The following KLRD1 variants were observed in gnomAD, a reference collection of about 807,000 sequenced individuals.
The protein encoded by KLRD1 is natural killer cells antigen CD94.
In KLRD1, 21 loss-of-function variants were observed where a neutral mutation model predicts 22.6. The ratio of observed to expected loss-of-function variants is 0.93; its 90% CI spans 0.66 to 1.34. The LOEUF (loss-of-function observed/expected upper bound fraction) is 1.34. Ranked by LOEUF, KLRD1 falls within the 40% of genes most tolerant of loss-of-function variation. The probability of loss-of-function intolerance (pLI) is 0.00; values close to 1 mark genes in which losing one functional copy is unlikely to be tolerated. For missense variants in KLRD1, 183 were observed against 208.6 expected, an observed-to-expected ratio of 0.88 and a Z score of 0.76; for synonymous variants, 59 against 71.1, an observed-to-expected ratio of 0.83 and a Z score of 0.85.
intron 1 of KLRD1, among the ~76,000 whole-genome samples, chr12:10,242,394 C>T (rs1210085724): frequency 6.6e-6 from 1 of 152,102 alleles, no homozygotes; most frequent in Non-Finnish European, 1.5e-5. Context: ...TGGACATAAA[C>T]AGGAAAACAT....
chr12:10,277,623 T>C (rs1044886950), intron 1 of KLRD1, among the ~76,000 whole-genome samples: 8 of 152,192 alleles, frequency 5.3e-5, no homozygotes, highest in African/African-American at 1.7e-4. Flanking sequence ...ATTTCTTTTC[T>C]AAAATTGTAT....
chr12:10,320,203 G>A lies in KLRD1; in HGVS notation c.*5410G>A, dbSNP rs1001082250. On this transcript the variant is annotated 3_prime_UTR_variant, in exon 6 of 6. Coordinates refer to ENST00000336164, the MANE Select transcript of KLRD1 (RefSeq NM_002262.5). ...TTCTTTTAAGTCACTAAATATTAAC[G>A]TGTCACATAGCAATAATCAATACAT... 2 of 151,134 alleles carry A rather than the reference G, an allele frequency of 1.3e-5. No individual in the cohort carries two copies. Among genetic ancestry groups the A allele is most frequent in the East Asian group, 1.9e-4 (1 of 5,136 alleles). The allele number at this position is 151,134 out of a possible 1,614,324, so 9.4% of individuals were successfully genotyped here.
chr12:10,284,867 G>A (rs1263619790), intron 1 of KLRD1, among the ~76,000 whole-genome samples: 1 of 152,098 alleles, frequency 6.6e-6, no homozygotes, highest in Non-Finnish European at 1.5e-5. Flanking sequence ...TGTAATCCCA[G>A]CTACTCAGGA....
Position 10,325,295 on chromosome 12 carries a change from C to T in KLRD1, c.*10502C>T, listed in dbSNP as rs1202374158. The stretch of plus-strand genomic sequence containing the variant: ...ATAGTTTTTATTTCCCAGTTATAAA[C>T]CTCAGTTGTTCATGTTATCTTTTTT... On this transcript the variant is annotated 3_prime_UTR_variant, in exon 6 of 6. Coordinates refer to ENST00000336164, the MANE Select transcript of KLRD1 (RefSeq NM_002262.5). 1 of 151,992 alleles carries T rather than the reference C, an allele frequency of 6.6e-6. No homozygotes were observed. The highest frequency in any genetic ancestry group is 1.5e-5 in the Non-Finnish European group (1 of 67,958). 9.4% of individuals were successfully genotyped at this position (151,992 alleles called of 1,614,324 possible).
At chr12:10,271,468 A>G (rs550267596) in intron 1 of KLRD1, among the ~76,000 whole-genome samples, 1 of 152,100 alleles carries the variant, frequency 6.6e-6, no homozygotes, top group African/African-American at 2.4e-5. Context: ...ACAAGAAATC[A>G]ATCCTGATTC....
At chr12:10,261,956 G>A (rs926652547) in intron 1 of KLRD1, among the ~76,000 whole-genome samples, 1 of 151,934 alleles carries the variant, frequency 6.6e-6, no homozygotes, top group African/African-American at 2.4e-5. Context: ...TAGTTTCTGT[G>A]TCTATGTGAT....
At chr12:10,258,694 G>A (rs934634574) in intron 1 of KLRD1, among the ~76,000 whole-genome samples, 1 of 152,160 alleles carries the variant, frequency 6.6e-6, no homozygotes, top group Non-Finnish European at 1.5e-5. Context: ...GTCTCAGGGG[G>A]AGGAAATAGA....
At position 10,321,270 on chromosome 12, in the gene KLRD1, A is replaced by T. The variant is rs781120222; in HGVS notation, c.*6477A>T. 1 of 152,226 alleles carries T rather than the reference A, an allele frequency of 6.6e-6. No homozygotes were observed. Among genetic ancestry groups the T allele is most frequent in the Non-Finnish European group, 1.5e-5 (1 of 68,030 alleles). 9.4% of individuals were successfully genotyped at this position (152,226 alleles called of 1,614,324 possible). A position where few individuals can be genotyped will look rare whatever the true frequency, so the allele number is the denominator to read the frequency against. ...GAGTGTATAAGGGAAGGAAATCTCT[A>T]GTATTGTTAATTTCACAAGCCTTCA... On this transcript the variant is annotated 3_prime_UTR_variant, in exon 6 of 6. Coordinates refer to ENST00000336164, the MANE Select transcript of KLRD1 (RefSeq NM_002262.5).
At chr12:10,314,411 C>T (rs1256094955) in intron 5 of KLRD1, among the ~76,000 whole-genome samples, 6 of 152,192 alleles carry the variant, frequency 3.9e-5, no homozygotes, top group East Asian at 1.9e-4. Flanking sequence ...AAGCATATCA[C>T]ATATTTAAAC....
chr12:10,250,446 ACTTTTCTTTT>A (rs879377671), intron 1 of KLRD1, among the ~76,000 whole-genome samples: 21 of 151,626 alleles, frequency 1.4e-4, no homozygotes, highest in African/African-American at 2.7e-4. Flanking sequence ...ATTGTTCCAA[ACTTTTCTTTT>A]CTTTTCTTTT....
chr12:10,312,673 C>T (rs1043977240), intron 4 of KLRD1, among the ~76,000 whole-genome samples: 30 of 150,928 alleles, frequency 2.0e-4, no homozygotes, highest in Non-Finnish European at 3.4e-4. Flanking sequence ...CCACCGTGCC[C>T]GGCCCCTAAT....
chr12:10,278,080 C>G (rs1417781145), intron 1 of KLRD1, among the ~76,000 whole-genome samples: 1 of 152,238 alleles, frequency 6.6e-6, no homozygotes, highest in Non-Finnish European at 1.5e-5. Flanking sequence ...GCATGCCAGA[C>G]TTGTGGCCCC....
intron 1 of KLRD1, among the ~76,000 whole-genome samples, chr12:10,278,786 TTTTTG>T (rs962924601): frequency 1.3e-5 from 2 of 152,096 alleles, no homozygotes; most frequent in African/African-American, 2.4e-5. Context: ...ATCATGGCTG[TTTTTG>T]TTTTGTTTTG....
chr12:10,277,953 A>C (rs1949606797), intron 1 of KLRD1, among the ~76,000 whole-genome samples: 1 of 152,166 alleles, frequency 6.6e-6, no homozygotes, highest in Non-Finnish European at 1.5e-5. Context: ...AAGTCTGTGC[A>C]CTATTTGATC....
rs1950302899 is a variant in KLRD1 at position 10,320,547 on chromosome 12, C to T, written c.*5754C>T. Reference sequence around the variant, plus strand: ...GAATATCTTGTCTGATTTCTTCCTACTACTTATATTACAATGCTATAGAAC... The same window carrying T: ...GAATATCTTGTCTGATTTCTTCCTATTACTTATATTACAATGCTATAGAAC... On this transcript the variant is annotated 3_prime_UTR_variant, in exon 6 of 6. Coordinates refer to ENST00000336164, the MANE Select transcript of KLRD1 (RefSeq NM_002262.5). 6.6e-6 allele frequency: 1 copy of T among 152,154 alleles called. No individual in the cohort carries two copies. The allele number at this position is 152,154 out of a possible 1,614,324, so 9.4% of individuals were successfully genotyped here.
chr12:10,288,150 G>A (rs1434694591), intron 1 of KLRD1, among the ~76,000 whole-genome samples: 2 of 151,116 alleles, frequency 1.3e-5, no homozygotes, highest in Admixed American at 1.3e-4. Flanking sequence ...GGCTGATGGA[G>A]GAGAATCGCT....
At position 10,314,671 on chromosome 12, in the gene KLRD1, A is replaced by G. The variant is rs1479120957; in HGVS notation, c.420-2A>G. ...ATGTGAACATTTTCTTCTTCATTAC[A>G]GATTTCCATCATTTGAAACTTTTAA... On this transcript the variant is annotated splice_acceptor_variant, in intron 5 of 5. Transcript: ENST00000336164. LOFTEE classifies it high-confidence loss of function. 2.6e-6 allele frequency: 4 copies of G among 1,555,952 alleles called. No individual in the cohort carries two copies. The highest frequency in any genetic ancestry group is 3.5e-6 in the Non-Finnish European group (4 of 1,156,692).
Position 10,291,724 on chromosome 12 carries a change from A to G in KLRD1, c.-100-16254A>G, listed in dbSNP as rs563273208. Among the ~76,000 whole-genome samples, 4 of 151,724 alleles carry G rather than the reference A, an allele frequency of 2.6e-5. No individual in the cohort carries two copies. In the East Asian group the frequency reaches 5.9e-4, roughly 22 times the overall value. On this transcript the variant is annotated intron_variant, in intron 1 of 5. Coordinates refer to the KLRD1 transcript ENST00000544747. ...TGTGCCATGGTGGTTTGCTACACCT[A>G]TCAACCCATCGTCTAGGTTTTAAGC...
intron 1 of KLRD1, among the ~76,000 whole-genome samples, chr12:10,284,186 CA>C (rs1400694285): frequency 1.1e-4 from 17 of 151,564 alleles, no homozygotes; most frequent in Non-Finnish European, 2.2e-4. Flanking sequence ...AACTCTCTCT[CA>C]AAAAACAACA....
Sources: allele counts gnomAD v4.1 joint callset (sites outside exome capture counted in the v4.1 genomes callset), GRCh38; gene constraint gnomAD v4.1.1; transcripts MANE v1.5; gene names NCBI Gene and HGNC (gene_info 2026-07-23, HGNC 2026-07-21).